Variants in TAFA5 observed in about 807,000 individuals in gnomAD.
TAFA5 encodes chemokine-like protein TAFA-5.
TAFA5 carries 6 observed loss-of-function variants against 15.3 expected under a neutral mutation model. The ratio of observed to expected loss-of-function variants is 0.39; its 90% CI spans 0.21 to 0.77. The LOEUF (loss-of-function observed/expected upper bound fraction) is 0.77. TAFA5 is among the 30% of genes least tolerant of loss of function. The pLI, the probability that TAFA5 is intolerant of heterozygous loss-of-function variation, is 0.41. For synonymous variants in TAFA5, 103 were observed against 80.7 expected (o/e 1.28, Z -1.48); for missense variants, 161 against 193.1 (o/e 0.83, Z 0.98).
At chr22:48,582,508 TACACACAAAATACACC>T (rs1477481085) in intron 1 of TAFA5, among the ~76,000 whole-genome samples, 17 of 39,614 alleles carry the variant, frequency 4.3e-4, no homozygotes, top group South Asian at 2.1e-3. Flanking sequence ...CAAAATACAC[TACACACAAAATACACC>T]ACACACAAAA....
chr22:48,629,205 C>T (rs1025718190), intron 1 of TAFA5, among the ~76,000 whole-genome samples: 1 of 152,158 alleles, frequency 6.6e-6, no homozygotes, highest in Non-Finnish European at 1.5e-5. Context: ...TGCTTCAGCC[C>T]CATCTAGGCC....
At chr22:48,644,835 C>T (rs948845809) in intron 1 of TAFA5, among the ~76,000 whole-genome samples, 3 of 152,314 alleles carry the variant, frequency 2.0e-5, no homozygotes, top group Admixed American at 1.3e-4. Context: ...GGCCACCCTT[C>T]GTCCCTCACG....
At chr22:48,631,444 C>T (rs1164706189) in intron 1 of TAFA5, among the ~76,000 whole-genome samples, 1 of 152,202 alleles carries the variant, frequency 6.6e-6, no homozygotes, top group Non-Finnish European at 1.5e-5. Context: ...GGCACCGGTG[C>T]GGCCCGTGCA....
rs573427757 is a variant in TAFA5 at position 48,550,612 on chromosome 22, G to A, written c.112+60908G>A. On this transcript the variant is annotated intron_variant, in intron 1 of 3. Coordinates refer to ENST00000402357, the MANE Select transcript of TAFA5 (RefSeq NM_001082967.3). The surrounding 1 kb of genome is among the most constrained non-coding windows in gnomAD (Gnocchi z 4.1). ...TTCCTAGCAGGTTCCATCGCCTTCC[G>A]CACTTGATGCTGCTGGATCCTCCCA... Among the ~76,000 whole-genome samples the A allele has an allele frequency of 6.6e-6, 1 of 152,248 alleles. No individual in the cohort carries two copies. The highest frequency in any genetic ancestry group is 1.9e-4 in the East Asian group (1 of 5,160).
At chr22:48,588,830 G>A (rs1924454859) in intron 1 of TAFA5, among the ~76,000 whole-genome samples, 1 of 152,082 alleles carries the variant, frequency 6.6e-6, no homozygotes, top group South Asian at 2.1e-4. Flanking sequence ...CATTCCAACT[G>A]GACCGCATGG....
intron 1 of TAFA5, among the ~76,000 whole-genome samples, chr22:48,495,884 C>A (rs1928307761): frequency 6.6e-6 from 1 of 152,220 alleles, no homozygotes; most frequent in Non-Finnish European, 1.5e-5. Context: ...GAGTCTCCAT[C>A]CCTCTGTCCA....
At chr22:48,535,897 CTGTG>C (rs1569015734) in intron 1 of TAFA5, among the ~76,000 whole-genome samples, 1 of 152,222 alleles carries the variant, frequency 6.6e-6, no homozygotes, top group Non-Finnish European at 1.5e-5. Context: ...TGCACACAGG[CTGTG>C]TGGGTATATG....
At chr22:48,631,073 CTTT>C (rs1926208767) in intron 1 of TAFA5, among the ~76,000 whole-genome samples, 1 of 152,210 alleles carries the variant, frequency 6.6e-6, no homozygotes, top group Non-Finnish European at 1.5e-5. Flanking sequence ...CCGCCCTGTC[CTTT>C]CTAAGGACGG....
chr22:48,626,959 G>A (rs543652200), intron 1 of TAFA5, among the ~76,000 whole-genome samples: 3 of 152,280 alleles, frequency 2.0e-5, no homozygotes, highest in African/African-American at 4.8e-5. Flanking sequence ...TGTCCTCCGT[G>A]GGATTGCCGG....
chr22:48,520,997 G>A (rs972954540), intron 1 of TAFA5, among the ~76,000 whole-genome samples: 1 of 152,196 alleles, frequency 6.6e-6, no homozygotes, highest in Non-Finnish European at 1.5e-5. Flanking sequence ...AGTTCTGCCT[G>A]TGTTCAAAAG....
intron 3 of TAFA5, among the ~76,000 whole-genome samples, chr22:48,740,103 G>A (rs369421456): frequency 6.6e-6 from 1 of 152,170 alleles, no homozygotes; most frequent in Admixed American, 6.5e-5. Flanking sequence ...ATTAGCACAG[G>A]GAGGAGCTCA....
chr22:48,610,030 C>T (rs1355862014), intron 1 of TAFA5, among the ~76,000 whole-genome samples: 1 of 152,202 alleles, frequency 6.6e-6, no homozygotes, highest in Non-Finnish European at 1.5e-5. Flanking sequence ...TTACAGGCCT[C>T]AGGGGTTAGA....
chr22:48,514,517 G>A (rs560199057), intron 1 of TAFA5, among the ~76,000 whole-genome samples: 8 of 152,296 alleles, frequency 5.3e-5, no homozygotes, highest in South Asian at 4.1e-4. Flanking sequence ...TGGCCCTCCA[G>A]AACTTGGGCC....
In TAFA5 at chr22:48,637,894, A is replaced by G. The variant is rs181355245; in HGVS notation, c.113-8703A>G. Among the ~76,000 whole-genome samples, 22 of 152,160 alleles carry G rather than the reference A, an allele frequency of 1.4e-4. No homozygotes were observed. The East Asian group carries it at 4.3e-3, about 29-fold the overall frequency. The stretch of plus-strand genomic sequence containing the variant: ...TTTATGAATAGGTCTTCTCCTGTGT[A>G]AAGCCTTGAAAACAGAGCCGAGCAC... On this transcript the variant is annotated intron_variant, in intron 1 of 3. Transcript: ENST00000402357.
chr22:48,613,694 T>A (rs1925494445), intron 1 of TAFA5, among the ~76,000 whole-genome samples: 1 of 152,236 alleles, frequency 6.6e-6, no homozygotes, highest in South Asian at 2.1e-4. Flanking sequence ...CCACCTGCTC[T>A]GGCCTTTCCC....
chr22:48,704,197 C>T (rs1050360254), intron 2 of TAFA5, among the ~76,000 whole-genome samples: 1 of 126,996 alleles, frequency 7.9e-6, no homozygotes, highest in African/African-American at 3.5e-5. Context: ...TCAACACACA[C>T]GCGCACACAC....
intron 1 of TAFA5, among the ~76,000 whole-genome samples, chr22:48,637,699 C>A (rs990647155): frequency 2.0e-5 from 3 of 151,994 alleles, no homozygotes; most frequent in Non-Finnish European, 4.4e-5. Flanking sequence ...TGTGTGTGCA[C>A]GTGTGGGGCA....
chr22:48,707,654 T>G, intron 2 of TAFA5, 63 bp from the exon 3 acceptor site: 1 of 1,573,254 alleles, frequency 6.4e-7, no homozygotes. Context: ...CCAGGTGCCC[T>G]CAGCAACACC....
At chr22:48,553,288 C>T (rs1374358712) in intron 1 of TAFA5, among the ~76,000 whole-genome samples, 3 of 152,160 alleles carry the variant, frequency 2.0e-5, no homozygotes, top group South Asian at 2.1e-4. Flanking sequence ...TGGCTCTGTG[C>T]GATGGACAGT....
Sources: gnomAD v4.1 joint callset for allele counts (sites outside exome capture counted in the v4.1 genomes callset) on GRCh38, gnomAD v4.1.1 for gene constraint, Gnocchi (gnomAD v3.1) non-coding constraint, MANE v1.5 for transcripts, NCBI Gene and HGNC (gene_info 2026-07-23, HGNC 2026-07-21) for gene names.